Variants in BMPR2 observed in about 807,000 individuals in gnomAD.
BMPR2 encodes the protein bone morphogenetic protein receptor type-2.
In BMPR2, 29 loss-of-function variants were observed where a neutral mutation model predicts 100.8. That is an observed-to-expected ratio of 0.29 (90% CI 0.21 to 0.39). The LOEUF (loss-of-function observed/expected upper bound fraction) is 0.39, where lower values mean the gene tolerates loss of function less well. Among genes scored for constraint, BMPR2 ranks in the 10% least tolerant of loss-of-function variants. The pLI is 1.00. For synonymous variants in BMPR2, 382 were observed against 442.3 expected, an observed-to-expected ratio of 0.86 and a Z score of 1.71; for missense variants, 1,011 against 1,274.5, an observed-to-expected ratio of 0.79 and a Z score of 3.15.
At chr2:202,557,384 A>T (rs1574508023) in intron 12 of BMPR2, among the ~76,000 whole-genome samples, 1 of 151,622 alleles carries the variant, frequency 6.6e-6, no homozygotes, top group African/African-American at 2.4e-5. Context: ...AATTGCTTGA[A>T]CCCAGGAGGC....
At chr2:202,411,405 C>T (rs1691010649) in intron 1 of BMPR2, among the ~76,000 whole-genome samples, 1 of 152,126 alleles carries the variant, frequency 6.6e-6, no homozygotes, top group African/African-American at 2.4e-5. Flanking sequence ...CTGAAGAAGG[C>T]AGAAACAAGG....
At chr2:202,530,484 C>G (rs980821651) in intron 7 of BMPR2, among the ~76,000 whole-genome samples, 28 of 151,826 alleles carry the variant, frequency 1.8e-4, no homozygotes, top group African/African-American at 6.3e-4. Flanking sequence ...ACCAAATATT[C>G]CTTTCTGTAT....
rs1043140399 is a variant in BMPR2 at position 202,529,437 on chromosome 2, T to G, written c.968-1357T>G. ...AAAGGGCAGTCTATAGTTCTGCCCA[T>G]TGATTTGGTATTATTATATAAATAT... On this transcript the variant is annotated intron_variant, in intron 7 of 12. Coordinates refer to ENST00000374580, the MANE Select transcript of BMPR2 (RefSeq NM_001204.7). Among the ~76,000 whole-genome samples the G allele has an allele frequency of 4.2e-4, 64 of 152,314 alleles. 1 individual carries two copies. The highest frequency in any genetic ancestry group is 1.5e-3 in the African/African-American group (64 of 41,586).
At chr2:202,530,728 G>A (rs1688007535) in intron 7 of BMPR2, 66 bp from the exon 8 acceptor site, 5 of 1,373,550 alleles carry the variant, frequency 3.6e-6, no homozygotes, top group Middle Eastern at 1.8e-4. Flanking sequence ...CTATATTTAT[G>A]TATGTTCATT....
At chr2:202,436,758 G>A (rs542644163) in intron 1 of BMPR2, among the ~76,000 whole-genome samples, 36 of 150,464 alleles carry the variant, frequency 2.4e-4, no homozygotes, top group Admixed American at 6.6e-4. Flanking sequence ...AGAAAATGAT[G>A]TATTCTTTTC....
rs1688691591 is a variant in BMPR2, at chr2:202,562,459, A to G, written c.*2513A>G. The G allele has an allele frequency of 6.6e-6, 1 of 152,610 alleles. No homozygotes were observed. The highest frequency in any genetic ancestry group is 2.1e-4 in the South Asian group (1 of 4,834). The allele number at this position is 152,610 out of a possible 1,614,324, so 9.5% of individuals were successfully genotyped here. On this transcript the variant is annotated 3_prime_UTR_variant, in exon 13 of 13. Coordinates refer to ENST00000374580, the MANE Select transcript of BMPR2 (RefSeq NM_001204.7). ...GTATATATCATTTTTATAAATTTTAAATTGTACATCAGACTTTTAAAATCT... is the reference window on the plus strand; with the variant it reads ...GTATATATCATTTTTATAAATTTTAGATTGTACATCAGACTTTTAAAATCT...
At chr2:202,541,229 G>A (rs1688266487) in intron 9 of BMPR2, among the ~76,000 whole-genome samples, 1 of 151,912 alleles carries the variant, frequency 6.6e-6, no homozygotes, top group African/African-American at 2.4e-5. Context: ...TCATTTGAGG[G>A]CAGAAGTATG....
intron 1 of BMPR2, among the ~76,000 whole-genome samples, chr2:202,433,980 T>C (rs1226424909): frequency 6.6e-6 from 1 of 150,652 alleles, no homozygotes; most frequent in Non-Finnish European, 1.5e-5. Context: ...CAAGGAAATT[T>C]GCAAGGAAAA....
In BMPR2 at chr2:202,470,433, G is replaced by A. The variant is rs545639978; in HGVS notation, c.418+2744G>A. On this transcript the variant is annotated intron_variant, in intron 3 of 12. Transcript: ENST00000374580. ...CAGGATAGATACAAGATAAGCCTGG[G>A]ACATCTTGTAATGTTTTAATAATTT... 7.2e-5 allele frequency among the ~76,000 whole-genome samples: 11 copies of A among 152,184 alleles called. No individual in the cohort carries two copies. In the South Asian group the frequency reaches 2.3e-3, roughly 32 times the overall value.
intron 1 of BMPR2, among the ~76,000 whole-genome samples, chr2:202,424,366 T>G (rs1691337592): frequency 1.4e-5 from 2 of 143,150 alleles, no homozygotes; most frequent in African/African-American, 5.4e-5. Flanking sequence ...AGAGCAGGAC[T>G]TCGTCTGAAG....
chr2:202,522,605 G>A (rs576823040), intron 7 of BMPR2, among the ~76,000 whole-genome samples: 21 of 152,184 alleles, frequency 1.4e-4, no homozygotes, highest in African/African-American at 4.6e-4. Context: ...CGAGGCAGGT[G>A]GACTGCTTGA....
In BMPR2 at chr2:202,513,828, A is replaced by G. The variant is rs771670513; in HGVS notation, c.528A>G (p.Thr176=). Residue 176 remains threonine (T), a splice_region_variant and synonymous_variant, in exon 4 of 13, where the codon ACA becomes ACG. Transcript: ENST00000374580. ...TATGCTTTGGATACAGAATGTTGAC[A>G]GGTAAAAATTACCATTTTTTGTCCT... ...VALCFGYRML[T]GDRKQGLHSM... is the part of the protein sequence containing the mutation. 3 of 1,604,284 alleles carry G rather than the reference A, an allele frequency of 1.9e-6. No homozygotes were observed. Among genetic ancestry groups the G allele is most frequent in the Non-Finnish European group, 2.6e-6 (3 of 1,171,838 alleles).
intron 5 of BMPR2, among the ~76,000 whole-genome samples, chr2:202,518,220 C>T (rs1687753044): frequency 6.7e-6 from 1 of 150,030 alleles, no homozygotes; most frequent in African/African-American, 2.5e-5. Context: ...TCACTGCAAC[C>T]TCCGTTTCCT....
intron 1 of BMPR2, among the ~76,000 whole-genome samples, chr2:202,422,047 A>T (rs1336980698): frequency 2.4e-4 from 36 of 149,258 alleles, no homozygotes; most frequent in Non-Finnish European, 4.2e-4. Context: ...TAGCTGGGAT[A>T]ACAGGCACAA....
intron 10 of BMPR2, among the ~76,000 whole-genome samples, chr2:202,548,314 CAATAGT>C: frequency 6.6e-6 from 1 of 151,950 alleles, no homozygotes; most frequent in African/African-American, 2.4e-5. Flanking sequence ...CAGCCAGGTG[CAATAGT>C]GCACACTTGT....
chr2:202,542,526 T>C (rs952009210), intron 10 of BMPR2, 79 bp downstream of exon 10: 1 of 1,506,488 alleles, frequency 6.6e-7, no homozygotes, highest in Admixed American at 1.9e-5. Flanking sequence ...AAATAGACTG[T>C]TAATAACGTT....
intron 1 of BMPR2, among the ~76,000 whole-genome samples, chr2:202,419,863 A>G (rs1436430229): frequency 1.3e-5 from 2 of 152,182 alleles, no homozygotes; most frequent in Non-Finnish European, 2.9e-5. Flanking sequence ...TAAAAACCCA[A>G]GGGGGCCAGA....
chr2:202,545,206 G>A (rs958514655), intron 10 of BMPR2, among the ~76,000 whole-genome samples: 2 of 1,612 alleles, frequency 1.2e-3, no homozygotes, highest in Non-Finnish European at 2.9e-3. Context: ...TCTTCCTCCC[G>A]TCCCCCTCCC....
In BMPR2 at chr2:202,464,987, A is replaced by T. The variant is rs745717516; in HGVS notation, c.247+8A>T. 2.5e-6 allele frequency: 4 copies of T among 1,613,710 alleles called. No homozygotes were observed. Among genetic ancestry groups the T allele is most frequent in the Non-Finnish European group, 3.4e-6 (4 of 1,179,638 alleles). ...TAAATCTTGTAAAACAAGGCAAGTG[A>T]TACTTTCCTTACCTGAAATGACTGT... On this transcript the variant is annotated splice_region_variant and intron_variant, in intron 2 of 12. Transcript: ENST00000374580.
Sources: allele counts gnomAD v4.1 joint callset (sites outside exome capture counted in the v4.1 genomes callset), GRCh38; gene constraint gnomAD v4.1.1; transcripts MANE v1.5; gene names NCBI Gene and HGNC (gene_info 2026-07-23, HGNC 2026-07-21).